Variants in NIBAN3 observed in about 807,000 individuals in gnomAD.
The protein encoded by NIBAN3 is protein Niban 3.
NIBAN3 carries 66 observed loss-of-function variants against 76.4 expected under a neutral mutation model. That is an observed-to-expected ratio of 0.86 (90% CI 0.71 to 1.06). NIBAN3 has a LOEUF of 1.06. Ranked by LOEUF, NIBAN3 falls within the 50% of genes least tolerant of loss-of-function variation. The pLI is 0.00. For synonymous variants in NIBAN3, 360 were observed against 355.2 expected, an observed-to-expected ratio of 1.01 and a Z score of -0.15; for missense variants, 808 against 810.7, an observed-to-expected ratio of 1.00 and a Z score of 0.04.
Position 17,553,325 on chromosome 19 carries a change from A to T in NIBAN3, c.*1427A>T, listed in dbSNP as rs768467763. The T allele has an allele frequency of 6.2e-7, 1 of 1,613,548 alleles. No homozygotes were observed. The highest frequency in any genetic ancestry group is 2.2e-5 in the East Asian group (1 of 44,874). ...GTTTGTTTCCTAGCTCCAAATCTTAACTTGGTGTCAAGTTTCCTGGCTGGG... is the reference window on the plus strand; with the variant it reads ...GTTTGTTTCCTAGCTCCAAATCTTATCTTGGTGTCAAGTTTCCTGGCTGGG... On this transcript the variant is annotated 3_prime_UTR_variant, in exon 15 of 15. Coordinates refer to ENST00000599164, the MANE Select transcript of NIBAN3 (RefSeq NM_001321827.2).
chr19:17,533,599 G>C lies in NIBAN3; in HGVS notation c.325G>C (p.Gly109Arg). Reference sequence around the variant, plus strand: ...GTACCTTTTGTAGGAATATGAAAACGGGGGCCACTGCCTTGGCTCAACAGC... The same window carrying C: ...GTACCTTTTGTAGGAATATGAAAACCGGGGCCACTGCCTTGGCTCAACAGC... ...WFSHKEEYEN[G>R]GHCLGSTALT... Residue 109 changes from glycine (G) to arginine (R), a missense_variant, in exon 4 of 15, where the codon GGG becomes CGG. Physicochemically the swap from Gly to Arg is moderately radical, Grantham distance 125. Coordinates refer to ENST00000599164, the MANE Select transcript of NIBAN3 (RefSeq NM_001321827.2). 1 of 1,613,498 alleles carries C rather than the reference G, an allele frequency of 6.2e-7. No individual in the cohort carries two copies. Among genetic ancestry groups the C allele is most frequent in the Non-Finnish European group, 8.5e-7 (1 of 1,179,520 alleles).
At chr19:17,533,426 A>C in intron 3 of NIBAN3, 161 bp from the exon 4 acceptor site, 1 of 554,164 alleles carries the variant, frequency 1.8e-6, no homozygotes, top group South Asian at 2.4e-5. Flanking sequence ...AAAAAAAAAA[A>C]AAAAGAGAGA....
rs747597745 is a variant in NIBAN3 at position 17,542,252 on chromosome 19, GA to G, written c.1288del (p.Met430CysfsTer31). 3.2e-5 allele frequency: 52 copies of G among 1,613,284 alleles called. No individual in the cohort carries two copies. Among genetic ancestry groups the G allele is most frequent in the Non-Finnish European group, 3.1e-5 (37 of 1,179,796 alleles). On this transcript the variant is annotated frameshift_variant, in exon 10 of 15. Coordinates refer to ENST00000599164, the MANE Select transcript of NIBAN3 (RefSeq NM_001321827.2). LOFTEE classifies it high-confidence loss of function. The surrounding 1 kb of genome is among the most constrained non-coding windows in gnomAD (Gnocchi z 4.8). ...TGGCAGCACCGTTTGGCTTTCTGGG[GA>G]TGCAGAGCCTCGTGTTTGGGGCCCA... ...QLAAPFGFLG[M>X]QSLVFGAQDL...
intron 9 of NIBAN3, among the ~76,000 whole-genome samples, chr19:17,541,090 T>C (rs1235431518): frequency 2.6e-5 from 4 of 152,122 alleles, no homozygotes; most frequent in Admixed American, 2.6e-4. Flanking sequence ...AAGTGGCAAT[T>C]TAGCAAAATC....
At position 17,542,311 on chromosome 19, in the gene NIBAN3, G is replaced by A. The variant is rs769270200; in HGVS notation, c.1329+17G>A. The A allele has an allele frequency of 1.9e-6, 3 of 1,581,538 alleles. No individual in the cohort carries two copies. Among genetic ancestry groups the A allele is most frequent in the Admixed American group, 1.8e-5 (1 of 56,564 alleles). On this transcript the variant is annotated intron_variant, in intron 10 of 14. Coordinates refer to ENST00000599164, the MANE Select transcript of NIBAN3 (RefSeq NM_001321827.2). The surrounding 1 kb of genome is among the most constrained non-coding windows in gnomAD (Gnocchi z 4.8). ...GCACAGCAGGTGAGGGTGAGAGGAG[G>A]CTGGGATGAGGCCAGGCTGTGAAGA...
intron 13 of NIBAN3, among the ~76,000 whole-genome samples, chr19:17,548,090 GC>G (rs1462406888): frequency 6.6e-6 from 1 of 152,218 alleles, no homozygotes; most frequent in Non-Finnish European, 1.5e-5. Context: ...GAGCTCCCGA[GC>G]TGGGAAGGAG....
At chr19:17,524,921 G>T (rs756894169), upstream of NIBAN3, among the ~76,000 whole-genome samples, 39 of 152,298 alleles carry the variant, frequency 2.6e-4, no homozygotes, top group Non-Finnish European at 3.8e-4. Flanking sequence ...AGCCTGGGTT[G>T]CACAGCCCCA....
chr19:17,543,801 G>C, intron 12 of NIBAN3, 170 bp downstream of exon 12: 1 of 537,794 alleles, frequency 1.9e-6, no homozygotes, highest in Non-Finnish European at 3.3e-6. Context: ...GACTAGCCTG[G>C]CTAACATAGT....
rs1315938229 is a variant in NIBAN3 at position 17,551,910 on chromosome 19, C to T, written c.*12C>T. 1 of 774,326 alleles carries T rather than the reference C, an allele frequency of 1.3e-6. No homozygotes were observed. Among genetic ancestry groups the T allele is most frequent in the South Asian group, 1.3e-5 (1 of 74,350 alleles). 48.0% of individuals were successfully genotyped at this position (774,326 alleles called of 1,614,324 possible). On this transcript the variant is annotated 3_prime_UTR_variant, in exon 15 of 15. Coordinates refer to ENST00000599164, the MANE Select transcript of NIBAN3 (RefSeq NM_001321827.2). ...CATTCCGGAGCTGAATCTTCACCCACATCTATCTTGTTTCTATTGGATAAA... is the reference window on the plus strand; with the variant it reads ...CATTCCGGAGCTGAATCTTCACCCATATCTATCTTGTTTCTATTGGATAAA...
intron 4 of NIBAN3, among the ~76,000 whole-genome samples, chr19:17,534,436 G>T (rs2075787202): frequency 6.6e-6 from 1 of 152,054 alleles, no homozygotes; most frequent in South Asian, 2.1e-4. Context: ...ATCACCTGAG[G>T]TCAGGAGGAG....
chr19:17,530,214 G>A (rs1222816949), intron 1 of NIBAN3, among the ~76,000 whole-genome samples: 1 of 152,056 alleles, frequency 6.6e-6, no homozygotes, highest in African/African-American at 2.4e-5. Context: ...CCAGCTACTT[G>A]GGAGGCTGAG....
At chr19:17,529,648 TC>T (rs2075677018) in intron 1 of NIBAN3, among the ~76,000 whole-genome samples, 1 of 152,172 alleles carries the variant, frequency 6.6e-6, no homozygotes. Flanking sequence ...TTTGAAAAGC[TC>T]CCCAGGTAAA....
At chr19:17,533,728 A>C in intron 4 of NIBAN3, 27 bp downstream of exon 4, 4 of 1,532,064 alleles carry the variant, frequency 2.6e-6, no homozygotes, top group Non-Finnish European at 3.6e-6. Context: ...TCCCAGGAAC[A>C]GGTTTCTCCA....
Position 17,539,417 on chromosome 19 carries a change from G to C in NIBAN3, c.782G>C (p.Gly261Ala), listed in dbSNP as rs746060994. The C allele has an allele frequency of 4.0e-5, 60 of 1,518,238 alleles. No homozygotes were observed. The highest frequency in any genetic ancestry group is 4.4e-6 in the Non-Finnish European group (5 of 1,136,858). 94.0% of individuals were successfully genotyped at this position (1,518,238 alleles called of 1,614,324 possible). A position where few individuals can be genotyped will look rare whatever the true frequency, so the allele number is the denominator to read the frequency against. ...GCCCAGACCCTTCCTGGCCTGCGGGGGGCAGGCCGCGCCCGCGCCTGGGCC... is the reference window on the plus strand; with the variant it reads ...GCCCAGACCCTTCCTGGCCTGCGGGCGGCAGGCCGCGCCCGCGCCTGGGCC... Reference protein sequence around the residue: ...LRAQTLPGLRGAGRARAWAWT... With the variant: ...LRAQTLPGLRAAGRARAWAWT... The change falls in exon 7 of 15, where the codon GGG becomes GCG. Residue 261 changes from glycine to alanine, a missense_variant. Transcript: ENST00000599164.
At chr19:17,539,821 A>G (rs2075907403) in intron 8 of NIBAN3, 56 bp downstream of exon 8, 11 of 1,318,416 alleles carry the variant, frequency 8.3e-6, no homozygotes, top group South Asian at 5.4e-5. Context: ...CTGGGGAAAA[A>G]GGGGCGTGAC....
At position 17,540,462 on chromosome 19, in the gene NIBAN3, G is replaced by C. The variant is rs1568455289; in HGVS notation, c.1050G>C (p.Gln350His). The part of the protein sequence containing the change: ...EVDPQLPRVV[Q>H]TLLRTVEASL... ...ACCCGCAGCTGCCCCGGGTCGTGCAGACCCTGCTGCGCACCGTGGAAGCCT... is the reference window on the plus strand; with the variant it reads ...ACCCGCAGCTGCCCCGGGTCGTGCACACCCTGCTGCGCACCGTGGAAGCCT... Residue 350 changes from glutamine (Q) to histidine (H), a missense_variant, in exon 9 of 15, where the codon CAG becomes CAC. Physicochemically the swap from Gln to His is conservative, Grantham distance 24. Transcript: ENST00000599164. The C allele has an allele frequency of 5.0e-6, 8 of 1,591,130 alleles. No homozygotes were observed. Among genetic ancestry groups the C allele is most frequent in the Non-Finnish European group, 6.8e-6 (8 of 1,168,652 alleles).
At position 17,553,517 on chromosome 19, in the gene NIBAN3, T is replaced by C. The variant is rs2076187764; in HGVS notation, c.*1619T>C. ...GGACTTTCACACTCCCTGGAGACCG[T>C]TTCCTCCCATTCTGTCTGGAGTTTT... On this transcript the variant is annotated 3_prime_UTR_variant, in exon 15 of 15. Coordinates refer to ENST00000599164, the MANE Select transcript of NIBAN3 (RefSeq NM_001321827.2). 6.2e-7 allele frequency: 1 copy of C among 1,614,106 alleles called. No homozygotes were observed.
intron 1 of NIBAN3, among the ~76,000 whole-genome samples, chr19:17,528,995 T>G (rs1227301926): frequency 1.3e-5 from 2 of 151,860 alleles, no homozygotes; most frequent in African/African-American, 4.8e-5. Flanking sequence ...GATGTGATGG[T>G]GTTGGAAGGA....
chr19:17,534,684 A>G (rs973542914), intron 4 of NIBAN3, among the ~76,000 whole-genome samples: 1 of 151,356 alleles, frequency 6.6e-6, no homozygotes, highest in Non-Finnish European at 1.5e-5. Flanking sequence ...CCAACTACTC[A>G]GGAGGCTGAG....
Sources: allele counts gnomAD v4.1 joint callset (sites outside exome capture counted in the v4.1 genomes callset), GRCh38; gene constraint gnomAD v4.1.1; non-coding constraint Gnocchi (gnomAD v3.1); transcripts MANE v1.5; gene names NCBI Gene and HGNC (gene_info 2026-07-23, HGNC 2026-07-21).